The following KIF18A variants were observed in gnomAD, a reference collection of about 807,000 sequenced individuals.
The protein encoded by KIF18A is kinesin-like protein KIF18A.
Under a neutral mutation model 103.3 loss-of-function variants are expected in KIF18A, and 67 were observed. The observed-to-expected ratio is 0.65, with a 90% CI of 0.53 to 0.79. The LOEUF (loss-of-function observed/expected upper bound fraction) is 0.79. KIF18A is among the 30% of genes least tolerant of loss of function. KIF18A has a pLI of 0.00. For synonymous variants in KIF18A, 367 were observed against 355.5 expected (o/e 1.03, Z -0.36); for missense variants, 1,032 against 1,062.5 (o/e 0.97, Z 0.40).
At chr11:28,033,740 G>T (rs780918556) in intron 15 of KIF18A, among the ~76,000 whole-genome samples, 4 of 151,544 alleles carry the variant, frequency 2.6e-5, no homozygotes, top group Non-Finnish European at 5.9e-5. Context: ...GGGGAGGATG[G>T]TTAATGGGGG....
intron 11 of KIF18A, among the ~76,000 whole-genome samples, chr11:28,064,993 T>C (rs1387245961): frequency 6.6e-6 from 1 of 152,040 alleles, no homozygotes; most frequent in Non-Finnish European, 1.5e-5. Flanking sequence ...TTTTAAAAAC[T>C]TGCTTTGGTT....
intron 15 of KIF18A, among the ~76,000 whole-genome samples, chr11:28,027,609 G>C (rs1268391857): frequency 2.0e-5 from 3 of 151,616 alleles, no homozygotes; most frequent in Non-Finnish European, 2.9e-5. Flanking sequence ...TTATCATACT[G>C]CACATCAGTT....
intron 13 of KIF18A, among the ~76,000 whole-genome samples, chr11:28,058,442 A>G (rs1230689942): frequency 6.9e-6 from 1 of 144,364 alleles, no homozygotes; most frequent in African/African-American, 2.6e-5. Flanking sequence ...GCTTGAGCCC[A>G]GGAGTTTGAG....
chr11:28,053,316 A>C (rs1850735440), intron 13 of KIF18A, among the ~76,000 whole-genome samples: 1 of 152,066 alleles, frequency 6.6e-6, no homozygotes. Flanking sequence ...AACTTTATTT[A>C]TTAACACTGA....
At chr11:28,042,676 C>A (rs1481513449) in intron 13 of KIF18A, among the ~76,000 whole-genome samples, 2 of 151,812 alleles carry the variant, frequency 1.3e-5, no homozygotes, top group African/African-American at 2.4e-5. Flanking sequence ...ACTTGGTTGG[C>A]ACACTTGAGA....
intron 3 of KIF18A, among the ~76,000 whole-genome samples, chr11:28,094,365 T>C (rs544159942): frequency 1.4e-4 from 22 of 151,944 alleles, no homozygotes; most frequent in African/African-American, 4.6e-4. Flanking sequence ...TACACACACA[T>C]AGAAAGCAAA....
intron 1 of KIF18A, among the ~76,000 whole-genome samples, chr11:28,107,040 TTTTC>T (rs1851529875): frequency 6.6e-6 from 1 of 152,190 alleles, no homozygotes; most frequent in East Asian, 1.9e-4. Flanking sequence ...TTTTAAGTTT[TTTTC>T]TTTGTGATTG....
intron 10 of KIF18A, among the ~76,000 whole-genome samples, chr11:28,073,994 A>G (rs1259658925): frequency 1.3e-5 from 2 of 152,154 alleles, no homozygotes; most frequent in Non-Finnish European, 2.9e-5. Flanking sequence ...CACAAAACTG[A>G]GAAGAATTAT....
chr11:28,084,334 C>A (rs1434126012), intron 7 of KIF18A: 1 of 153,148 alleles, frequency 6.5e-6, no homozygotes, highest in Admixed American at 6.5e-5. Context: ...CTCCAAGATG[C>A]CATCCAAATA....
chr11:28,098,932 T>A (rs562858117), intron 1 of KIF18A, among the ~76,000 whole-genome samples: 1 of 151,366 alleles, frequency 6.6e-6, no homozygotes, highest in African/African-American at 2.4e-5. Context: ...CAACAAGATC[T>A]GAGTAAGGAC....
Position 28,097,780 on chromosome 11 carries a change from TCCATGGAAAAA to T in KIF18A, c.157_167del (p.Phe53LysfsTer14). 6.2e-7 allele frequency: 1 copy of T among 1,613,126 alleles called. No homozygotes were observed. The highest frequency in any genetic ancestry group is 8.5e-7 in the Non-Finnish European group (1 of 1,179,406). ...TAACATTTTGATTTGTAGTTTTCTT[TCCATGGAAAAA>T]ACTGACTTCTTCTTGTTTGGGATCA... On this transcript the variant is annotated frameshift_variant, in exon 2 of 17. Transcript: ENST00000263181. LOFTEE classifies it high-confidence loss of function.
intron 13 of KIF18A, among the ~76,000 whole-genome samples, chr11:28,045,081 CAT>C (rs923755476): frequency 2.2e-4 from 34 of 152,028 alleles, no homozygotes; most frequent in African/African-American, 7.5e-4. Flanking sequence ...GATTTTAAGA[CAT>C]ATAATTGATG....
chr11:28,106,766 T>C (rs914773875), intron 1 of KIF18A, among the ~76,000 whole-genome samples: 1 of 151,830 alleles, frequency 6.6e-6, no homozygotes, highest in South Asian at 2.1e-4. Context: ...AGGTCAGGAG[T>C]TCGAGACCAG....
At chr11:28,056,360 T>C (rs369777066) in intron 13 of KIF18A, among the ~76,000 whole-genome samples, 109 of 152,166 alleles carry the variant, frequency 7.2e-4, no homozygotes, top group African/African-American at 2.4e-3. Flanking sequence ...AAGGATCATT[T>C]GATAAAGCTG....
At chr11:28,067,349 A>T (rs1267614197) in intron 11 of KIF18A, among the ~76,000 whole-genome samples, 2 of 152,260 alleles carry the variant, frequency 1.3e-5, no homozygotes, top group East Asian at 3.9e-4. Flanking sequence ...TATCCACAAT[A>T]AGGAAATACT....
chr11:28,043,170 T>C (rs1850583058), intron 13 of KIF18A, among the ~76,000 whole-genome samples: 1 of 151,806 alleles, frequency 6.6e-6, no homozygotes, highest in African/African-American at 2.4e-5. Flanking sequence ...GTTGTTTCAG[T>C]GCAGAAAAAA....
intron 3 of KIF18A, among the ~76,000 whole-genome samples, chr11:28,093,681 A>G (rs992373419): frequency 6.6e-6 from 1 of 152,156 alleles, no homozygotes; most frequent in African/African-American, 2.4e-5. Context: ...AATCTATTCA[A>G]TAAAGTAAAA....
intron 6 of KIF18A, among the ~76,000 whole-genome samples, chr11:28,087,491 T>C (rs914048488): frequency 6.6e-6 from 1 of 152,248 alleles, no homozygotes; most frequent in African/African-American, 2.4e-5. Context: ...CTATCATTGA[T>C]GGGCATTTGG....
intron 10 of KIF18A, 53 bp downstream of exon 10, chr11:28,076,954 A>G: frequency 1.1e-6 from 1 of 899,156 alleles, no homozygotes. Context: ...AAAAAAAAAA[A>G]AGCCCCCATG....
Sources: allele counts gnomAD v4.1 joint callset (sites outside exome capture counted in the v4.1 genomes callset), GRCh38; gene constraint gnomAD v4.1.1; transcripts MANE v1.5; gene names NCBI Gene and HGNC (gene_info 2026-07-23, HGNC 2026-07-21).